NUP214: variants seen among roughly 807,000 people sequenced by gnomAD.
The protein encoded by NUP214 is nucleoporin 214, also known as nuclear pore complex protein Nup214.
Under a neutral mutation model 196.2 loss-of-function variants are expected in NUP214, and 79 were observed. The ratio of observed to expected loss-of-function variants is 0.40; its 90% confidence interval spans 0.34 to 0.49. The LOEUF is 0.49. Among genes scored for constraint, NUP214 ranks in the 20% least tolerant of loss-of-function variants. The pLI is 0.58. For synonymous variants in NUP214, 1,020 were observed against 990.5 expected (o/e 1.03, Z -0.56); for missense variants, 2,468 against 2,539.0 (o/e 0.97, Z 0.60).
At chr9:131,204,854 C>T (rs933386933) in intron 30 of NUP214, among the ~76,000 whole-genome samples, 9 of 152,280 alleles carry the variant, frequency 5.9e-5, no homozygotes, top group African/African-American at 1.9e-4. Context: ...CCTAGTGATA[C>T]TGAAGAACAC....
At chr9:131,137,130 G>A (rs1831753333) in intron 9 of NUP214, among the ~76,000 whole-genome samples, 1 of 152,192 alleles carries the variant, frequency 6.6e-6, no homozygotes, top group Non-Finnish European at 1.5e-5. Context: ...ATTGACCTCA[G>A]TAATAATTTC....
intron 21 of NUP214, chr9:131,164,657 G>C (rs1310605422): frequency 6.6e-6 from 1 of 152,400 alleles, no homozygotes; most frequent in Non-Finnish European, 1.5e-5. Context: ...CAGCCTCCCA[G>C]AGTGCTGGGA....
chr9:131,152,189 A>G (rs1832290917), intron 17 of NUP214, among the ~76,000 whole-genome samples: 1 of 152,172 alleles, frequency 6.6e-6, no homozygotes, highest in Admixed American at 6.5e-5. Flanking sequence ...ATCCCAGCTC[A>G]CTGCAGCCTT....
At chr9:131,160,408 A>T (rs1373536118) in intron 18 of NUP214, among the ~76,000 whole-genome samples, 1 of 152,230 alleles carries the variant, frequency 6.6e-6, no homozygotes, top group African/African-American at 2.4e-5. Flanking sequence ...AATTAAAAAG[A>T]TGAGAGAAAT....
intron 24 of NUP214, chr9:131,187,008 C>T: frequency 2.8e-6 from 1 of 355,806 alleles, no homozygotes; most frequent in Non-Finnish European, 5.3e-6. Context: ...CTCTGGATAG[C>T]AAAAAGATCT....
At chr9:131,143,260 T>A (rs1831979277) in intron 11 of NUP214, among the ~76,000 whole-genome samples, 1 of 152,160 alleles carries the variant, frequency 6.6e-6, no homozygotes, top group Non-Finnish European at 1.5e-5. Flanking sequence ...CCTCCTGCTT[T>A]GCCCTCCCAA....
chr9:131,128,234 T>C (rs1441750027), intron 2 of NUP214, 98 bp from the exon 3 acceptor site: 1 of 1,084,838 alleles, frequency 9.2e-7, no homozygotes, highest in Non-Finnish European at 1.3e-6. Flanking sequence ...TGTGTGTTTA[T>C]GTAGATGCAA....
intron 31 of NUP214, among the ~76,000 whole-genome samples, chr9:131,220,445 A>C (rs996677185): frequency 1.3e-5 from 2 of 152,194 alleles, no homozygotes; most frequent in African/African-American, 4.8e-5. Context: ...AGAGACTGTA[A>C]ATGAGAGTGA....
At chr9:131,225,666 G>C (rs947762891) in intron 32 of NUP214, among the ~76,000 whole-genome samples, 4 of 152,182 alleles carry the variant, frequency 2.6e-5, no homozygotes, top group Non-Finnish European at 5.9e-5. Flanking sequence ...TGCAGAACTC[G>C]TATTGGTTCT....
rs1834955345 is a variant in NUP214 at position 131,234,260 on chromosome 9, C to G, written c.*773C>G. On this transcript the variant is annotated 3_prime_UTR_variant, in exon 36 of 36. Coordinates refer to ENST00000359428, the MANE Select transcript of NUP214 (RefSeq NM_005085.4). ...GCAGTGACATTGGTAGCCACACCTA[C>G]CCAGTGTCTACTAACCACAGTGCAG... 2 of 232,660 alleles carry G rather than the reference C, an allele frequency of 8.6e-6. No individual in the cohort carries two copies. Among genetic ancestry groups the G allele is most frequent in the Non-Finnish European group, 1.7e-5 (2 of 117,778 alleles). 14.4% of individuals were successfully genotyped at this position (232,660 alleles called of 1,614,324 possible). A position where few individuals can be genotyped will look rare whatever the true frequency, so the allele number is the denominator to read the frequency against.
rs781643713 is a variant in NUP214 at position 131,192,272 on chromosome 9, T to C, written c.3639T>C (p.Pro1213=). The stretch of plus-strand genomic sequence containing the variant: ...CTGCTTCTGGGCAGTTCAGCAAGCC[T>C]TTCTCATTTTCTCCATCAGGGTCAG... The part of the protein sequence containing the change: ...TPSASGQFSK[P]FSFSPSGTGF... The change falls in exon 27 of 36, where the codon CCT becomes CCC. Residue 1213 remains proline (P), a synonymous_variant. Coordinates refer to ENST00000359428, the MANE Select transcript of NUP214 (RefSeq NM_005085.4). 1 of 1,516,918 alleles carries C rather than the reference T, an allele frequency of 6.6e-7. No homozygotes were observed. Among genetic ancestry groups the C allele is most frequent in the Non-Finnish European group, 8.9e-7 (1 of 1,121,820 alleles). 94.0% of individuals were successfully genotyped at this position (1,516,918 alleles called of 1,614,324 possible). A position where few individuals can be genotyped will look rare whatever the true frequency, so the allele number is the denominator to read the frequency against.
rs559170647 is a variant in NUP214 at position 131,233,343 on chromosome 9, T to A, written c.6240-111T>A. On this transcript the variant is annotated intron_variant, in intron 35 of 35. Transcript: ENST00000359428. ...AGAGTGAGACTCTGTATCAAAAAAA[T>A]AATAATAAAAAATCTGAGTCCTGAC... 46 of 1,129,968 alleles carry A rather than the reference T, an allele frequency of 4.1e-5. No individual in the cohort carries two copies. The African/African-American group carries it at 6.4e-4, about 16-fold the overall frequency. 70.0% of individuals were successfully genotyped at this position (1,129,968 alleles called of 1,614,324 possible).
In NUP214 at chr9:131,162,958, C is replaced by G. The variant is rs750036553; in HGVS notation, c.2541-33C>G. The G allele has an allele frequency of 3.7e-6, 6 of 1,607,534 alleles. No individual in the cohort carries two copies. In the African/African-American group the frequency reaches 8.0e-5, roughly 22 times the overall value. On this transcript the variant is annotated intron_variant, in intron 18 of 35. Coordinates refer to ENST00000359428, the MANE Select transcript of NUP214 (RefSeq NM_005085.4). ...GGGAGATTCCTTTACTTGAACCATT[C>G]ATGTTTAATTCTTTTCTCATTGTTG...
At chr9:131,130,688 A>T in intron 4 of NUP214, 78 bp from the exon 5 acceptor site, 5 of 1,267,662 alleles carry the variant, frequency 3.9e-6, no homozygotes, top group Non-Finnish European at 5.8e-6. Flanking sequence ...ATGAGAATTG[A>T]TAATTAGCTG....
chr9:131,171,089 A>T (rs1832944626), intron 21 of NUP214, among the ~76,000 whole-genome samples: 1 of 151,876 alleles, frequency 6.6e-6, no homozygotes, highest in Admixed American at 6.6e-5. Flanking sequence ...TTCTAATGCC[A>T]GGCAGTTAGC....
Position 131,178,393 on chromosome 9 carries a change from C to G in NUP214, c.3402C>G (p.Thr1134=). 1 of 1,612,646 alleles carries G rather than the reference C, an allele frequency of 6.2e-7. No homozygotes were observed. The highest frequency in any genetic ancestry group is 2.2e-5 in the East Asian group (1 of 44,856). ...NVQELKNNPA[T]PSTAMGSSVP... ...AGGAATTGAAGAATAACCCTGCAAC[C>G]CCTTCTACAGCCATGGGGTATGTTC... Residue 1134 remains threonine (T), a synonymous_variant, in exon 24 of 36, where the codon ACC becomes ACG. Coordinates refer to ENST00000359428, the MANE Select transcript of NUP214 (RefSeq NM_005085.4).
chr9:131,222,998 G>A, intron 32 of NUP214, 68 bp downstream of exon 32: 1 of 1,481,336 alleles, frequency 6.8e-7, no homozygotes, highest in Non-Finnish European at 9.3e-7. Context: ...ATATCTGGAA[G>A]GAGACATCTC....
intron 11 of NUP214, 34 bp downstream of exon 11, chr9:131,140,744 A>G: frequency 6.3e-7 from 1 of 1,592,396 alleles, no homozygotes; most frequent in Non-Finnish European, 8.6e-7. Flanking sequence ...CAGTAAGGGA[A>G]TACCATGGGC....
At chr9:131,217,116 A>G (rs1272855870) in intron 31 of NUP214, among the ~76,000 whole-genome samples, 2 of 152,184 alleles carry the variant, frequency 1.3e-5, no homozygotes, top group Non-Finnish European at 2.9e-5. Flanking sequence ...TGCCCTTCTA[A>G]ACTCCTAAAT....
Sources: gnomAD v4.1 joint callset for allele counts (sites outside exome capture counted in the v4.1 genomes callset) on GRCh38, gnomAD v4.1.1 for gene constraint, MANE v1.5 for transcripts, NCBI Gene and HGNC (gene_info 2026-07-23, HGNC 2026-07-21) for gene names.